SLC5A3: variants seen among roughly 807,000 people sequenced by gnomAD.
SLC5A3 encodes sodium/myo-inositol cotransporter.
Under a neutral mutation model 43.2 loss-of-function variants are expected in SLC5A3, and 10 were observed. That is an observed-to-expected ratio of 0.23 (90% CI 0.14 to 0.39). The LOEUF (loss-of-function observed/expected upper bound fraction) is 0.39. Among genes scored for constraint, SLC5A3 ranks in the 10% least tolerant of loss-of-function variants. The pLI, the probability that SLC5A3 is intolerant of heterozygous loss-of-function variation, is 1.00. For missense variants in SLC5A3, 608 were observed against 893.4 expected, an observed-to-expected ratio of 0.68 and a Z score of 4.07; for synonymous variants, 349 against 322.0, an observed-to-expected ratio of 1.08 and a Z score of -0.90.
chr21:34,074,011 C>CG (rs1200380419), intron 1 of SLC5A3, among the ~76,000 whole-genome samples: 1 of 144,644 alleles, frequency 6.9e-6, no homozygotes, highest in African/African-American at 2.5e-5. Flanking sequence ...GCCCGCCGGG[C>CG]GGGGGGCGGG....
intron 1 of SLC5A3, among the ~76,000 whole-genome samples, chr21:34,076,175 C>A (rs1402824178): frequency 1.3e-5 from 2 of 152,142 alleles, no homozygotes; most frequent in Non-Finnish European, 2.9e-5. Flanking sequence ...AGTTTTCCAG[C>A]CTTTGGACTC....
Position 34,104,089 on chromosome 21 carries a change from TG to T in SLC5A3, c.*6735del. The T allele has an allele frequency of 1.0e-6, 1 of 1,000,074 alleles. No homozygotes were observed. The highest frequency in any genetic ancestry group is 1.2e-6 in the Non-Finnish European group (1 of 829,932). The allele number at this position is 1,000,074 out of a possible 1,614,324, so 62.0% of individuals were successfully genotyped here. ...AATACTACTTGTCTTTGATTTTTTTTGTGTACGTTTGTATGTGAGAGATGAA... is the reference window on the plus strand; with the variant it reads ...AATACTACTTGTCTTTGATTTTTTTTTGTACGTTTGTATGTGAGAGATGAA... On this transcript the variant is annotated 3_prime_UTR_variant, in exon 2 of 2. Coordinates refer to ENST00000381151, the MANE Select transcript of SLC5A3 (RefSeq NM_006933.7).
At chr21:34,082,099 C>G (rs928599941) in intron 1 of SLC5A3, among the ~76,000 whole-genome samples, 7 of 150,816 alleles carry the variant, frequency 4.6e-5, no homozygotes, top group Non-Finnish European at 7.4e-5. Flanking sequence ...TACTTAGGTA[C>G]CATGGATCAA....
In SLC5A3 at chr21:34,096,576, A is replaced by G. The variant is rs762283242; in HGVS notation, c.1378A>G (p.Ile460Val). 1.9e-6 allele frequency: 3 copies of G among 1,613,980 alleles called. No homozygotes were observed. Among genetic ancestry groups the G allele is most frequent in the Admixed American group, 1.7e-5 (1 of 60,006 alleles). ...PPVAALFLLA[I>V]FWKRCNEQGA... Reference sequence around the variant, plus strand: ...AGTGGCAGCCTTGTTCCTGCTGGCAATTTTCTGGAAGCGCTGCAATGAACA... The same window carrying G: ...AGTGGCAGCCTTGTTCCTGCTGGCAGTTTTCTGGAAGCGCTGCAATGAACA... Residue 460 changes from isoleucine (I) to valine (V), a missense_variant, in exon 2 of 2, where the codon ATT becomes GTT. Physicochemically the swap from Ile to Val is conservative, Grantham distance 29. Around this residue, in one of 2 missense-constraint regions of SLC5A3, gnomAD observed 398 missense variants for 668.6 expected, o/e 0.60. Transcript: ENST00000381151. The surrounding 1 kb of genome is among the most constrained non-coding windows in gnomAD (Gnocchi z 5.9).
chr21:34,102,438 A>G lies in SLC5A3; in HGVS notation c.*5083A>G. On this transcript the variant is annotated 3_prime_UTR_variant, in exon 2 of 2. Coordinates refer to ENST00000381151, the MANE Select transcript of SLC5A3 (RefSeq NM_006933.7). ...GGGATTAGTTTTTTTGTTTTGGGGTAAGCACCTAATTTATCCAGTAACCAA... is the reference window on the plus strand; with the variant it reads ...GGGATTAGTTTTTTTGTTTTGGGGTGAGCACCTAATTTATCCAGTAACCAA... 1.0e-6 allele frequency: 1 copy of G among 1,000,004 alleles called. No individual in the cohort carries two copies. The highest frequency in any genetic ancestry group is 1.2e-6 in the Non-Finnish European group (1 of 829,772). 61.9% of individuals were successfully genotyped at this position (1,000,004 alleles called of 1,614,324 possible).
chr21:34,102,135 T>A lies in SLC5A3; in HGVS notation c.*4780T>A. 3.0e-6 allele frequency: 3 copies of A among 1,000,140 alleles called. No individual in the cohort carries two copies. Among genetic ancestry groups the A allele is most frequent in the Non-Finnish European group, 3.6e-6 (3 of 829,868 alleles). 62.0% of individuals were successfully genotyped at this position (1,000,140 alleles called of 1,614,324 possible). A position where few individuals can be genotyped will look rare whatever the true frequency, so the allele number is the denominator to read the frequency against. On this transcript the variant is annotated 3_prime_UTR_variant, in exon 2 of 2. Transcript: ENST00000381151. The stretch of plus-strand genomic sequence containing the variant: ...TGTCAAGGTCACTTAATATGGAATG[T>A]TTTTGTCAGACTGTCCTTTGTTGGA...
At position 34,100,005 on chromosome 21, in the gene SLC5A3, G is replaced by A; in HGVS notation, c.*2650G>A. On this transcript the variant is annotated 3_prime_UTR_variant, in exon 2 of 2. Transcript: ENST00000381151. ...ATCATACATGGACTGTCTTAAGCTA[G>A]CAAAATGTTCATACTTTACACTGAC... The A allele has an allele frequency of 1.3e-6, 1 of 765,144 alleles. No homozygotes were observed. The highest frequency in any genetic ancestry group is 1.6e-6 in the Non-Finnish European group (1 of 615,702). 47.4% of individuals were successfully genotyped at this position (765,144 alleles called of 1,614,324 possible).
intron 1 of SLC5A3, among the ~76,000 whole-genome samples, chr21:34,083,549 TTAAG>T: frequency 6.6e-6 from 1 of 152,224 alleles, no homozygotes; most frequent in Non-Finnish European, 1.5e-5. Context: ...CTTGACACTG[TTAAG>T]TAAGCAAATG....
chr21:34,090,924 C>T (rs75552148), intron 1 of SLC5A3, among the ~76,000 whole-genome samples: 293 of 152,322 alleles, frequency 1.9e-3, no homozygotes, highest in African/African-American at 6.5e-3. Flanking sequence ...TCCCTTCTTA[C>T]AGAATCATGA....
intron 1 of SLC5A3, among the ~76,000 whole-genome samples, chr21:34,078,155 C>A (rs1989377565): frequency 6.6e-6 from 1 of 151,916 alleles, no homozygotes; most frequent in South Asian, 2.1e-4. Flanking sequence ...TTTTTTTCTT[C>A]CCATGGGCCC....
chr21:34,089,739 C>G (rs1001033293), intron 1 of SLC5A3, among the ~76,000 whole-genome samples: 1 of 152,074 alleles, frequency 6.6e-6, no homozygotes, highest in African/African-American at 2.4e-5. Flanking sequence ...GCAGTCCCTC[C>G]CTACTCTGCC....
intron 1 of SLC5A3, among the ~76,000 whole-genome samples, chr21:34,083,016 C>G (rs1451309964): frequency 1.3e-5 from 2 of 152,164 alleles, no homozygotes; most frequent in East Asian, 3.9e-4. Context: ...GCCCTCAATC[C>G]TCATAAACTG....
Position 34,103,405 on chromosome 21 carries a change from G to A in SLC5A3, c.*6050G>A. Reference sequence around the variant, plus strand: ...TGAAACCAGGTAGTTCTGTATTTGTGTTGTAGCCTAAATGTTGTTTCTTTT... The same window carrying A: ...TGAAACCAGGTAGTTCTGTATTTGTATTGTAGCCTAAATGTTGTTTCTTTT... On this transcript the variant is annotated 3_prime_UTR_variant, in exon 2 of 2. Transcript: ENST00000381151. 1 of 995,298 alleles carries A rather than the reference G, an allele frequency of 1.0e-6. No individual in the cohort carries two copies. The highest frequency in any genetic ancestry group is 1.2e-6 in the Non-Finnish European group (1 of 827,396). 61.7% of individuals were successfully genotyped at this position (995,298 alleles called of 1,614,324 possible). A position where few individuals can be genotyped will look rare whatever the true frequency, so the allele number is the denominator to read the frequency against.
rs1352123306 is a variant in SLC5A3 at position 34,100,786 on chromosome 21, A to G, written c.*3431A>G. On this transcript the variant is annotated 3_prime_UTR_variant, in exon 2 of 2. Coordinates refer to ENST00000381151, the MANE Select transcript of SLC5A3 (RefSeq NM_006933.7). ...GGCTCATTTTCTTTATAGTAGGCAT[A>G]TGGATCTTCCCCTCTGACTTTGAAT... The G allele has an allele frequency of 2.0e-6, 2 of 1,000,120 alleles. No homozygotes were observed. Among genetic ancestry groups the G allele is most frequent in the Non-Finnish European group, 2.4e-6 (2 of 829,980 alleles). The allele number at this position is 1,000,120 out of a possible 1,614,324, so 62.0% of individuals were successfully genotyped here. A position where few individuals can be genotyped will look rare whatever the true frequency, so the allele number is the denominator to read the frequency against.
chr21:34,093,954 TCTC>T (rs1978842190), intron 1 of SLC5A3, among the ~76,000 whole-genome samples: 2 of 152,292 alleles, frequency 1.3e-5, no homozygotes, highest in South Asian at 2.1e-4. Flanking sequence ...TGAAAACTTT[TCTC>T]CTCCTCCCTC....
rs770757642 is a variant in SLC5A3, at chr21:34,096,425, T to C, written c.1227T>C (p.Ile409=). ...GCGCAAGCTCCCGGGAGTTAATGATTGTGGGGAGGATATTTGTGGCATTTA... is the reference window on the plus strand; with the variant it reads ...GCGCAAGCTCCCGGGAGTTAATGATCGTGGGGAGGATATTTGTGGCATTTA... ...RKSASSRELM[I]VGRIFVAFMV... The change falls in exon 2 of 2, where the codon ATT becomes ATC. Residue 409 remains isoleucine (I), a synonymous_variant. Coordinates refer to ENST00000381151, the MANE Select transcript of SLC5A3 (RefSeq NM_006933.7). The surrounding 1 kb of genome is among the most constrained non-coding windows in gnomAD (Gnocchi z 5.9). 6.2e-7 allele frequency: 1 copy of C among 1,614,030 alleles called. No individual in the cohort carries two copies. Among genetic ancestry groups the C allele is most frequent in the African/African-American group, 1.3e-5 (1 of 74,918 alleles).
chr21:34,096,294 T>A lies in SLC5A3; in HGVS notation c.1096T>A (p.Leu366Ile). ...GCTGGTTCCTGTGGGCCTTCGGGGTTTAATGATGGCAGTGATGATTGCAGC... is the reference window on the plus strand; with the variant it reads ...GCTGGTTCCTGTGGGCCTTCGGGGTATAATGATGGCAGTGATGATTGCAGC... ...MKLVPVGLRG[L>I]MMAVMIAALM... The change falls in exon 2 of 2, where the codon TTA (leucine) becomes ATA (isoleucine). Residue 366 changes from leucine to isoleucine, a missense_variant. Leu to Ile is a conservative substitution (Grantham distance 5, BLOSUM62 2). This residue lies in a region of SLC5A3 where 398 missense variants were observed against 668.6 expected (regional missense o/e 0.60). Transcript: ENST00000381151. The surrounding 1 kb of genome is among the most constrained non-coding windows in gnomAD (Gnocchi z 5.9). 1 of 1,614,080 alleles carries A rather than the reference T, an allele frequency of 6.2e-7. No homozygotes were observed.
Position 34,097,615 on chromosome 21 carries a change from G to C in SLC5A3, c.*260G>C. Reference sequence around the variant, plus strand: ...AATTTTGCATACCAAAGTAAGAAGAGACCAATTATTCTCACAGAGCACTTA... The same window carrying C: ...AATTTTGCATACCAAAGTAAGAAGACACCAATTATTCTCACAGAGCACTTA... On this transcript the variant is annotated 3_prime_UTR_variant, in exon 2 of 2. Transcript: ENST00000381151. 1.7e-6 allele frequency: 2 copies of C among 1,194,366 alleles called. No individual in the cohort carries two copies. The highest frequency in any genetic ancestry group is 2.1e-6 in the Non-Finnish European group (2 of 953,058). 74.0% of individuals were successfully genotyped at this position (1,194,366 alleles called of 1,614,324 possible).
In SLC5A3 at chr21:34,096,334, T is replaced by TAA; in HGVS notation, c.1137_1138insAA (p.Asp380LysfsTer29). On this transcript the variant is annotated frameshift_variant, in exon 2 of 2. Coordinates refer to ENST00000381151, the MANE Select transcript of SLC5A3 (RefSeq NM_006933.7). LOFTEE classifies it high-confidence loss of function. The surrounding 1 kb of genome is among the most constrained non-coding windows in gnomAD (Gnocchi z 5.9). Reference sequence around the variant, plus strand: ...ATGATTGCAGCTCTGATGAGTGACTTAGACTCTATCTTTAACAGTGCCAGT... The same window carrying TAA: ...ATGATTGCAGCTCTGATGAGTGACTTAAAGACTCTATCTTTAACAGTGCCAGT... 6.2e-7 allele frequency: 1 copy of TAA among 1,614,142 alleles called. No homozygotes were observed. The highest frequency in any genetic ancestry group is 8.5e-7 in the Non-Finnish European group (1 of 1,180,004).
Sources: allele counts gnomAD v4.1 joint callset (sites outside exome capture counted in the v4.1 genomes callset), GRCh38; gene constraint gnomAD v4.1.1; regional missense constraint gnomAD v4.1.1; non-coding constraint Gnocchi (gnomAD v3.1); transcripts MANE v1.5; gene names NCBI Gene and HGNC (gene_info 2026-07-23, HGNC 2026-07-21).